Variants in SOAT1 observed in about 807,000 individuals in gnomAD.
SOAT1 encodes the protein sterol O-acyltransferase 1, also known as acyl-coenzyme A:cholesterol acyltransferase 1.
In SOAT1, 55 loss-of-function variants were observed where a neutral mutation model predicts 69.5. That is an observed-to-expected ratio of 0.79 (90% CI 0.64 to 0.99). The LOEUF (loss-of-function observed/expected upper bound fraction) is 0.99. Among genes scored for constraint, SOAT1 ranks in the 50% least tolerant of loss-of-function variants. The pLI is 0.00. For synonymous variants in SOAT1, 231 were observed against 224.7 expected (o/e 1.03, Z -0.25); for missense variants, 580 against 669.3 (o/e 0.87, Z 1.47).
At position 179,341,025 on chromosome 1, in the gene SOAT1, C is replaced by T. The variant is rs766091340; in HGVS notation, c.498-3C>T. 1.2e-6 allele frequency: 2 copies of T among 1,613,074 alleles called. No homozygotes were observed. Among genetic ancestry groups the T allele is most frequent in the Non-Finnish European group, 1.7e-6 (2 of 1,179,420 alleles). The stretch of plus-strand genomic sequence containing the variant: ...GTTCTTTTTCTGTACCTTTTCTCCC[C>T]AGGCTGGTGCTTGAGTTCAGCCTCC... On this transcript the variant is annotated splice_polypyrimidine_tract_variant and splice_region_variant and intron_variant, in intron 6 of 15. Transcript: ENST00000367619.
intron 14 of SOAT1, among the ~76,000 whole-genome samples, chr1:179,350,828 CAT>C (rs1666699081): frequency 1.3e-5 from 2 of 152,182 alleles, no homozygotes; most frequent in African/African-American, 2.4e-5. Flanking sequence ...TATATATACA[CAT>C]GTTCTGAAAA....
intron 14 of SOAT1, 134 bp downstream of exon 14, chr1:179,350,565 A>G (rs1236265846): frequency 2.6e-6 from 2 of 754,992 alleles, no homozygotes; most frequent in African/African-American, 3.5e-5. Flanking sequence ...TCTTTATCAG[A>G]TGGTCAGAAT....
rs1294618297 is a variant in SOAT1, at chr1:179,335,492, T to G, written c.178-14T>G. On this transcript the variant is annotated splice_polypyrimidine_tract_variant and intron_variant, in intron 3 of 15. Coordinates refer to ENST00000367619, the MANE Select transcript of SOAT1 (RefSeq NM_003101.6). ...TATTAGTTCCCCATCTTTTTCTTTG[T>G]TTTAAAATTCTAGGAATTGAAGCCA... The G allele has an allele frequency of 6.2e-7, 1 of 1,603,426 alleles. No individual in the cohort carries two copies. The highest frequency in any genetic ancestry group is 8.5e-7 in the Non-Finnish European group (1 of 1,174,058).
At chr1:179,336,233 C>T (rs12045521) in intron 4 of SOAT1, among the ~76,000 whole-genome samples, 34,116 of 150,970 alleles carry the variant, frequency 0.23, 4,670 homozygotes, top group East Asian at 0.38. Flanking sequence ...GAGGGCGAGG[C>T]GGGTGGATCA....
At chr1:179,321,952 G>A (rs931608227) in intron 2 of SOAT1, among the ~76,000 whole-genome samples, 11 of 151,308 alleles carry the variant, frequency 7.3e-5, no homozygotes, top group African/African-American at 7.3e-5. Context: ...GTGCGATCAC[G>A]CTCACTGCAG....
chr1:179,350,342 C>T lies in SOAT1; in HGVS notation c.1361C>T (p.Ala454Val). The change falls in exon 14 of 16, where the codon GCT (alanine) becomes GTT (valine). Residue 454 changes from alanine (A) to valine (V), a missense_variant. Coordinates refer to ENST00000367619, the MANE Select transcript of SOAT1 (RefSeq NM_003101.6). ...TCTGCTGCCATGTTAGCTGTCTTTGCTGTATCTGCTGTAGTACACGAATAT... is the reference window on the plus strand; with the variant it reads ...TCTGCTGCCATGTTAGCTGTCTTTGTTGTATCTGCTGTAGTACACGAATAT... ...FKSAAMLAVF[A>V]VSAVVHEYAL... is the part of the protein sequence containing the mutation. 1.2e-6 allele frequency: 2 copies of T among 1,613,850 alleles called. No individual in the cohort carries two copies. Among genetic ancestry groups the T allele is most frequent in the Non-Finnish European group, 1.7e-6 (2 of 1,179,832 alleles).
intron 2 of SOAT1, among the ~76,000 whole-genome samples, chr1:179,323,102 G>A (rs1159631947): frequency 7.1e-6 from 1 of 141,680 alleles, no homozygotes; most frequent in Non-Finnish European, 1.5e-5. Context: ...GTTTTAAAAG[G>A]TTTTCGTTTT....
chr1:179,350,105 C>T (rs1358720308), intron 13 of SOAT1, among the ~76,000 whole-genome samples, 191 bp from the exon 14 acceptor site: 1 of 152,058 alleles, frequency 6.6e-6, no homozygotes, highest in Non-Finnish European at 1.5e-5. Context: ...GATATTTGAA[C>T]AATAATAAGA....
At chr1:179,298,883 A>G (rs1173514282) in intron 1 of SOAT1, among the ~76,000 whole-genome samples, 1 of 152,192 alleles carries the variant, frequency 6.6e-6, no homozygotes, top group Non-Finnish European at 1.5e-5. Flanking sequence ...AAATTGAACC[A>G]TCATAAGTTG....
At chr1:179,329,852 A>T (rs551973997) in intron 3 of SOAT1, among the ~76,000 whole-genome samples, 1 of 152,332 alleles carries the variant, frequency 6.6e-6, no homozygotes. Flanking sequence ...TTTTGCTGTA[A>T]TAGTGAACAA....
At position 179,355,832 on chromosome 1, in the gene SOAT1, C is replaced by T. The variant is rs1202418709; in HGVS notation, c.*2191C>T. 6.6e-6 allele frequency: 1 copy of T among 152,228 alleles called. No individual in the cohort carries two copies. Among genetic ancestry groups the T allele is most frequent in the Non-Finnish European group, 1.5e-5 (1 of 68,110 alleles). 9.4% of individuals were successfully genotyped at this position (152,228 alleles called of 1,614,324 possible). A position where few individuals can be genotyped will look rare whatever the true frequency, so the allele number is the denominator to read the frequency against. On this transcript the variant is annotated 3_prime_UTR_variant, in exon 16 of 16. Coordinates refer to ENST00000367619, the MANE Select transcript of SOAT1 (RefSeq NM_003101.6). ...ACAGGCGTTAGCCACCGTGCCCGGC[C>T]TCTGTTTCCTGTTATTAGTGATTTT...
intron 11 of SOAT1, among the ~76,000 whole-genome samples, chr1:179,346,797 C>T (rs1265390786): frequency 6.6e-6 from 1 of 152,138 alleles, no homozygotes; most frequent in Non-Finnish European, 1.5e-5. Context: ...AGCACTGGTG[C>T]AGTAGCTTGC....
chr1:179,313,727 G>A (rs978260250), intron 2 of SOAT1, among the ~76,000 whole-genome samples: 23 of 152,130 alleles, frequency 1.5e-4, no homozygotes, highest in Admixed American at 1.2e-3. Flanking sequence ...TGGGATTATA[G>A]GCATGCGCCA....
intron 3 of SOAT1, among the ~76,000 whole-genome samples, chr1:179,323,894 G>GA (rs1665693042): frequency 6.6e-6 from 1 of 151,898 alleles, no homozygotes; most frequent in African/African-American, 2.4e-5. Context: ...ATAACAACTC[G>GA]AAAAAAAATC....
chr1:179,322,617 C>T (rs1347678501), intron 2 of SOAT1, among the ~76,000 whole-genome samples: 9 of 152,128 alleles, frequency 5.9e-5, no homozygotes, highest in Admixed American at 2.6e-4. Flanking sequence ...TTATGTCTGC[C>T]AGTAGCCTGG....
chr1:179,294,092 T>G (rs1423344881), intron 1 of SOAT1, among the ~76,000 whole-genome samples, 156 bp downstream of exon 1: 1 of 151,216 alleles, frequency 6.6e-6, no homozygotes, highest in Non-Finnish European at 1.5e-5. Context: ...TGCAGGGGAG[T>G]TGGGGAGGGG....
At chr1:179,309,999 A>G (rs1045777387) in intron 2 of SOAT1, among the ~76,000 whole-genome samples, 3 of 151,986 alleles carry the variant, frequency 2.0e-5, no homozygotes, top group Non-Finnish European at 4.4e-5. Context: ...TCCCGGGTTC[A>G]AGCAATTCTC....
intron 2 of SOAT1, among the ~76,000 whole-genome samples, chr1:179,320,723 CTTTTA>C (rs1234381329): frequency 2.6e-5 from 4 of 151,888 alleles, no homozygotes; most frequent in African/African-American, 4.8e-5. Context: ...AACTCACATT[CTTTTA>C]TTTTATTTTA....
In SOAT1 at chr1:179,306,923, A is replaced by C. The variant is rs115151933; in HGVS notation, c.118+4121A>C. On this transcript the variant is annotated intron_variant, in intron 2 of 15. Coordinates refer to ENST00000367619, the MANE Select transcript of SOAT1 (RefSeq NM_003101.6). ...AGGATTGTTGTAGTAGGAAATAATAAAGACATTTCCTTTTCAAAACCAGCA... is the reference window on the plus strand; with the variant it reads ...AGGATTGTTGTAGTAGGAAATAATACAGACATTTCCTTTTCAAAACCAGCA... Among the ~76,000 whole-genome samples, 1,090 of 152,224 alleles carry C rather than the reference A, an allele frequency of 7.2e-3. 8 individuals carry two copies. Among genetic ancestry groups the C allele is most frequent in the Non-Finnish European group, 0.013 (883 of 68,014 alleles).
Sources: gnomAD v4.1 joint callset for allele counts (sites outside exome capture counted in the v4.1 genomes callset) on GRCh38, gnomAD v4.1.1 for gene constraint, MANE v1.5 for transcripts, NCBI Gene and HGNC (gene_info 2026-07-23, HGNC 2026-07-21) for gene names.